The following FHIT variants were observed in gnomAD, a reference collection of about 807,000 sequenced individuals.
FHIT encodes the protein bis(5'-adenosyl)-triphosphatase.
FHIT carries 19 observed loss-of-function variants against 17.9 expected under a neutral mutation model. The ratio of observed to expected loss-of-function variants is 1.06; its 90% CI spans 0.74 to 1.56. The LOEUF (loss-of-function observed/expected upper bound fraction) is 1.56. Ranked by LOEUF, FHIT falls within the 40% of genes most tolerant of loss-of-function variation. FHIT has a pLI of 0.00. For missense variants in FHIT, 248 were observed against 189.2 expected (o/e 1.31, Z -1.82); for synonymous variants, 81 against 69.7 (o/e 1.16, Z -0.81).
At chr3:61,246,810 C>T (rs2040497234) in intron 1 of FHIT, among the ~76,000 whole-genome samples, 1 of 151,990 alleles carries the variant, frequency 6.6e-6, no homozygotes, top group Admixed American at 6.6e-5. Context: ...ACATGTATAC[C>T]TATTAACAAA....
chr3:60,207,475 T>C (rs527300058), intron 5 of FHIT, among the ~76,000 whole-genome samples: 5 of 152,142 alleles, frequency 3.3e-5, no homozygotes, highest in Admixed American at 6.5e-5. Flanking sequence ...CCTAATCCTG[T>C]TTGTTCTGAA....
chr3:61,240,068 C>T (rs2040337030), intron 1 of FHIT, among the ~76,000 whole-genome samples: 1 of 152,034 alleles, frequency 6.6e-6, no homozygotes, highest in Non-Finnish European at 1.5e-5. Context: ...TGGCCTGTTG[C>T]CTTGTGGAAG....
chr3:60,119,937 G>A (rs191882411), intron 5 of FHIT, among the ~76,000 whole-genome samples: 60 of 152,198 alleles, frequency 3.9e-4, no homozygotes, highest in African/African-American at 1.4e-3. Flanking sequence ...GGCATTTAGG[G>A]TCCTGTGAAA....
In FHIT at chr3:61,185,691, G is replaced by T. The variant is rs551428422; in HGVS notation, c.-164+14926C>A. Among the ~76,000 whole-genome samples the T allele has an allele frequency of 4.4e-4, 67 of 152,254 alleles. 2 individuals carry two copies. Among genetic ancestry groups the T allele is most frequent in the African/African-American group, 1.5e-3 (63 of 41,570 alleles). On this transcript the variant is annotated intron_variant, in intron 2 of 9. Transcript: ENST00000492590. ...AATGTTCACAATATAATGTTGAATG[G>T]AAAAAGCAGTATGTGCCATTTTCTT... is the stretch of plus-strand genomic sequence containing the variant.
intron 4 of FHIT, among the ~76,000 whole-genome samples, chr3:60,788,720 G>T (rs1411509866): frequency 6.6e-6 from 1 of 152,076 alleles, no homozygotes; most frequent in Admixed American, 6.6e-5. Context: ...GTTCAGTGTG[G>T]TGACACTTCA....
chr3:60,124,424 TTG>T (rs1705446184), intron 5 of FHIT, among the ~76,000 whole-genome samples: 1 of 152,096 alleles, frequency 6.6e-6, no homozygotes, highest in Non-Finnish European at 1.5e-5. Context: ...TCCCTGATGT[TTG>T]TGTCTTTCTT....
intron 5 of FHIT, among the ~76,000 whole-genome samples, chr3:60,246,481 C>T (rs1036377968): frequency 1.3e-5 from 2 of 151,956 alleles, no homozygotes. Flanking sequence ...AATTATGAGG[C>T]CAGCAAAGCA....
At chr3:61,130,705 G>A (rs1333966699) in intron 2 of FHIT, among the ~76,000 whole-genome samples, 9 of 152,208 alleles carry the variant, frequency 5.9e-5, no homozygotes. Context: ...AGAAGGCTGT[G>A]TAGGGTCAAA....
intron 3 of FHIT, among the ~76,000 whole-genome samples, chr3:60,956,496 G>T (rs1303003917): frequency 6.6e-6 from 1 of 152,046 alleles, no homozygotes; most frequent in Non-Finnish European, 1.5e-5. Context: ...CTTTGGCATC[G>T]ACATGACCAA....
chr3:60,922,397 CAGT>C (rs1255368916), intron 3 of FHIT, among the ~76,000 whole-genome samples: 3 of 152,170 alleles, frequency 2.0e-5, no homozygotes, highest in African/African-American at 7.2e-5. Context: ...CAAATCAGCC[CAGT>C]GTCAGATGGG....
intron 5 of FHIT, among the ~76,000 whole-genome samples, chr3:60,391,597 T>C (rs1478586177): frequency 6.6e-6 from 1 of 152,202 alleles, no homozygotes; most frequent in African/African-American, 2.4e-5. Context: ...CTGTACCTTT[T>C]CTACGTTTAG....
chr3:60,547,702 C>T (rs1196149295), intron 4 of FHIT, among the ~76,000 whole-genome samples: 2 of 152,156 alleles, frequency 1.3e-5, no homozygotes. Flanking sequence ...TAGCATAACA[C>T]TTTTAGAGCT....
intron 5 of FHIT, among the ~76,000 whole-genome samples, chr3:60,484,473 T>C (rs893119170): frequency 4.6e-5 from 7 of 152,140 alleles, no homozygotes; most frequent in African/African-American, 1.7e-4. Flanking sequence ...AAAACAGAGA[T>C]ATAGACCAAT....
chr3:59,877,486 A>G (rs1054629317), intron 8 of FHIT, among the ~76,000 whole-genome samples: 2 of 152,176 alleles, frequency 1.3e-5, no homozygotes, highest in African/African-American at 4.8e-5. Context: ...CAGAGCAGTG[A>G]TCCATAGCAT....
intron 7 of FHIT, among the ~76,000 whole-genome samples, chr3:60,002,172 G>A (rs1189173957): frequency 6.6e-6 from 1 of 152,100 alleles, no homozygotes. Context: ...GAACCAGGAA[G>A]ACTTGTTTAA....
At chr3:60,949,739 T>A (rs1319914607) in intron 3 of FHIT, among the ~76,000 whole-genome samples, 2 of 152,146 alleles carry the variant, frequency 1.3e-5, no homozygotes, top group Non-Finnish European at 2.9e-5. Flanking sequence ...TGCTTATTTA[T>A]TTACGTCGTT....
At position 59,930,397 on chromosome 3, in the gene FHIT, C is replaced by T. The variant is rs916791460; in HGVS notation, c.280-7983G>A. Among the ~76,000 whole-genome samples the T allele has an allele frequency of 4.6e-5, 7 of 152,208 alleles. No homozygotes were observed. In the East Asian group the frequency reaches 5.8e-4, roughly 13 times the overall value. The stretch of plus-strand genomic sequence containing the variant: ...GGAGTCTCATAATTTGCTGCTGAAC[C>T]GAAAGTTCAAGTATTTAGTCTCCTT... On this transcript the variant is annotated intron_variant, in intron 7 of 9. Transcript: ENST00000492590.
At chr3:60,480,071 A>C (rs770877123) in intron 5 of FHIT, among the ~76,000 whole-genome samples, 2 of 152,144 alleles carry the variant, frequency 1.3e-5, no homozygotes, top group African/African-American at 2.4e-5. Context: ...TCACAGTTCC[A>C]CATGGTTGGG....
chr3:60,711,011 A>T (rs997407461), intron 4 of FHIT, among the ~76,000 whole-genome samples: 3 of 152,116 alleles, frequency 2.0e-5, no homozygotes, highest in Admixed American at 6.5e-5. Flanking sequence ...GCAGCCTAAC[A>T]GGGAGGCACC....
Sources: gnomAD v4.1 joint callset for allele counts (sites outside exome capture counted in the v4.1 genomes callset) on GRCh38, gnomAD v4.1.1 for gene constraint, MANE v1.5 for transcripts, NCBI Gene and HGNC (gene_info 2026-07-23, HGNC 2026-07-21) for gene names.